TMEM182: variants seen among roughly 807,000 people sequenced by gnomAD.
The protein encoded by TMEM182 is transmembrane protein 182.
Under a neutral mutation model 26.8 loss-of-function variants are expected in TMEM182, and 20 were observed. The observed-to-expected ratio is 0.75, with a 90% CI of 0.53 to 1.09. TMEM182 has a LOEUF of 1.09. Ranked by LOEUF, TMEM182 falls within the 50% of genes least tolerant of loss-of-function variation. The pLI is 0.00. For missense variants in TMEM182, 277 were observed against 275.5 expected (o/e 1.01, Z -0.04); for synonymous variants, 109 against 102.2 (o/e 1.07, Z -0.40).
At position 102,780,585 on chromosome 2, in the gene TMEM182, TTAGAAG is replaced by T. The variant is rs199627266; in HGVS notation, c.331+16166_331+16171del. ...GAAGGGGCTACCTCATTTCTACCTC[TTAGAAG>T]TAGAAGTCTTAGCACCCTATATGGT... On this transcript the variant is annotated intron_variant, in intron 3 of 4. Transcript: ENST00000412401. Among the ~76,000 whole-genome samples the T allele has an allele frequency of 5.3e-4, 81 of 152,260 alleles. No homozygotes were observed. In the East Asian group the frequency reaches 0.015, roughly 28 times the overall value.
intron 3 of TMEM182, among the ~76,000 whole-genome samples, chr2:102,768,462 G>A (rs992114471): frequency 3.2e-4 from 48 of 151,928 alleles, no homozygotes; most frequent in African/African-American, 1.1e-3. Context: ...GCTGAGGCGG[G>A]CAGATCACTT....
intron 3 of TMEM182, among the ~76,000 whole-genome samples, chr2:102,765,796 G>A (rs1680410723): frequency 6.6e-6 from 1 of 152,120 alleles, no homozygotes; most frequent in African/African-American, 2.4e-5. Context: ...CGAAGGACTG[G>A]GACCATTTTC....
intron 2 of TMEM182, 103 bp downstream of exon 2, chr2:102,762,789 A>C: frequency 6.8e-6 from 6 of 888,326 alleles, no homozygotes; most frequent in Non-Finnish European, 1.0e-5. Flanking sequence ...TGTGAGTTAC[A>C]AAATCTCAAT....
chr2:102,818,937 T>G (rs1386946224), downstream of TMEM182, among the ~76,000 whole-genome samples: 1 of 152,192 alleles, frequency 6.6e-6, no homozygotes. Flanking sequence ...TACCTTGGGT[T>G]TATGAAATAA....
At chr2:102,746,940 TA>T (rs1433670078) in intron 1 of TMEM182, among the ~76,000 whole-genome samples, 1 of 152,224 alleles carries the variant, frequency 6.6e-6, no homozygotes, top group East Asian at 1.9e-4. Flanking sequence ...TTGCTGTTCT[TA>T]CTGAATTTTA....
intron 3 of TMEM182, among the ~76,000 whole-genome samples, chr2:102,829,371 A>G (rs150468405): frequency 2.2e-3 from 332 of 152,308 alleles, no homozygotes; most frequent in African/African-American, 7.0e-3. Context: ...TGCCTGTCCA[A>G]TGACTTATAA....
intron 3 of TMEM182, among the ~76,000 whole-genome samples, chr2:102,827,368 C>T (rs749943942): frequency 6.6e-6 from 1 of 152,188 alleles, no homozygotes; most frequent in Admixed American, 6.5e-5. Flanking sequence ...GATTTTCCTT[C>T]CTTCTACATT....
chr2:102,834,919 C>T (rs574560035), intron 3 of TMEM182, among the ~76,000 whole-genome samples: 1 of 152,310 alleles, frequency 6.6e-6, no homozygotes, highest in South Asian at 2.1e-4. Flanking sequence ...TGGGCCTCAC[C>T]CGTTTCACCT....
At chr2:102,819,104 C>T (rs892456592), downstream of TMEM182, among the ~76,000 whole-genome samples, 1 of 152,174 alleles carries the variant, frequency 6.6e-6, no homozygotes, top group Non-Finnish European at 1.5e-5. Context: ...TGACATAATT[C>T]ACTGAAAATG....
downstream of TMEM182, chr2:102,817,805 C>T: frequency 8.3e-6 from 6 of 724,724 alleles, no homozygotes; most frequent in Non-Finnish European, 1.0e-5. Flanking sequence ...GAAAGAGATA[C>T]ATTGAATGGT....
At chr2:102,794,425 C>T (rs1222215058) in intron 3 of TMEM182, among the ~76,000 whole-genome samples, 2 of 152,218 alleles carry the variant, frequency 1.3e-5, no homozygotes, top group African/African-American at 2.4e-5. Flanking sequence ...TGAAGTTTAA[C>T]GTGCACTCCG....
chr2:102,833,346 C>T (rs908673359), intron 3 of TMEM182, among the ~76,000 whole-genome samples: 1 of 152,154 alleles, frequency 6.6e-6, no homozygotes, highest in East Asian at 1.9e-4. Flanking sequence ...CCTCCCATCA[C>T]CAGATCCAAT....
intron 3 of TMEM182, among the ~76,000 whole-genome samples, chr2:102,828,613 G>A (rs558026252): frequency 4.6e-5 from 7 of 152,280 alleles, no homozygotes; most frequent in African/African-American, 1.7e-4. Context: ...GCCAAGGTGA[G>A]GGAAGTGTCT....
chr2:102,827,633 C>T (rs1683060190), intron 3 of TMEM182, among the ~76,000 whole-genome samples: 1 of 152,142 alleles, frequency 6.6e-6, no homozygotes, highest in African/African-American at 2.4e-5. Context: ...ACAATTTTGC[C>T]CCTGCCTAAG....
At chr2:102,759,821 C>T (rs1680153837), upstream of TMEM182, among the ~76,000 whole-genome samples, 1 of 152,096 alleles carries the variant, frequency 6.6e-6, no homozygotes, top group South Asian at 2.1e-4. Context: ...CTCTATATTC[C>T]TTGGCTTGTG....
At chr2:102,779,269 T>A (rs1681056425) in intron 3 of TMEM182, among the ~76,000 whole-genome samples, 1 of 152,238 alleles carries the variant, frequency 6.6e-6, no homozygotes, top group Non-Finnish European at 1.5e-5. Context: ...GCCTTTAGTT[T>A]TAAGAAGTTT....
At position 102,829,216 on chromosome 2, in the gene TMEM182, C is replaced by T. The variant is rs556120582; in HGVS notation, c.326-14196C>T. ...TGTATTTCGACAGTGATGGGCTATA[C>T]GTGGGCAGAAGGCTTAGGGGACAGT... is the stretch of plus-strand genomic sequence containing the variant. On this transcript the variant is annotated intron_variant, in intron 3 of 3. Coordinates refer to the TMEM182 transcript ENST00000486293. Among the ~76,000 whole-genome samples the T allele has an allele frequency of 6.6e-5, 10 of 152,190 alleles. No homozygotes were observed. The South Asian group carries it at 8.3e-4, about 13-fold the overall frequency.
intron 1 of TMEM182, among the ~76,000 whole-genome samples, chr2:102,751,499 T>C (rs1307479420): frequency 1.3e-5 from 2 of 152,108 alleles, no homozygotes; most frequent in Non-Finnish European, 2.9e-5. Flanking sequence ...GCTGCTGGCT[T>C]TCTTCCATGC....
intron 3 of TMEM182, 38 bp downstream of exon 3, chr2:102,764,465 T>C (rs111438228): frequency 6.4e-7 from 1 of 1,563,948 alleles, no homozygotes; most frequent in Non-Finnish European, 8.8e-7. Context: ...TCTAAAAGGG[T>C]CTTATCTTTC....
Sources: allele counts gnomAD v4.1 joint callset (sites outside exome capture counted in the v4.1 genomes callset), GRCh38; gene constraint gnomAD v4.1.1; transcripts MANE v1.5; gene names NCBI Gene and HGNC (gene_info 2026-07-23, HGNC 2026-07-21).